Variants in INO80 observed in about 807,000 individuals in gnomAD.
INO80 encodes the protein INO80 complex ATPase subunit.
Under a neutral mutation model 203.4 loss-of-function variants are expected in INO80, and 20 were observed. The ratio of observed to expected loss-of-function variants is 0.10; its 90% CI spans 0.07 to 0.14. The LOEUF (loss-of-function observed/expected upper bound fraction) is 0.14. INO80 is among the 10% of genes least tolerant of loss of function. INO80 has a pLI of 1.00. For synonymous variants in INO80, 726 were observed against 685.2 expected, an observed-to-expected ratio of 1.06 and a Z score of -0.93; for missense variants, 1,419 against 1,914.4, an observed-to-expected ratio of 0.74 and a Z score of 4.83.
chr15:41,053,783 T>C lies in INO80; in HGVS notation c.2274+146A>G, dbSNP rs960921921. ...ATGTTATTTTCCTCAATTATTTGCC[T>C]CATTTTAAGTCCTCTTTGATCCATG... On this transcript the variant is annotated intron_variant, in intron 19 of 35. Coordinates refer to ENST00000648947, the MANE Select transcript of INO80 (RefSeq NM_017553.3). 1.0e-5 allele frequency: 5 copies of C among 495,128 alleles called. 1 individual carries two copies. The highest frequency in any genetic ancestry group is 3.0e-5 in the East Asian group (1 of 33,350). 30.7% of individuals were successfully genotyped at this position (495,128 alleles called of 1,614,324 possible).
intron 35 of INO80, among the ~76,000 whole-genome samples, chr15:40,980,929 A>T (rs1893804712): frequency 6.6e-6 from 1 of 152,156 alleles, no homozygotes; most frequent in African/African-American, 2.4e-5. Context: ...ATATTCATAC[A>T]GTTCTCCTTG....
chr15:41,087,449 A>T lies in INO80; in HGVS notation c.658+113T>A, dbSNP rs2045578907. 3.4e-6 allele frequency: 4 copies of T among 1,162,950 alleles called. No homozygotes were observed. The South Asian group carries it at 6.4e-5, about 19-fold the overall frequency. 72.0% of individuals were successfully genotyped at this position (1,162,950 alleles called of 1,614,324 possible). A position where few individuals can be genotyped will look rare whatever the true frequency, so the allele number is the denominator to read the frequency against. On this transcript the variant is annotated intron_variant, in intron 6 of 35. Transcript: ENST00000648947. ...AATTAGAAAGGAGAGTTTTTCAGAT[A>T]AAGCAAATTTCTACCATATGGACTT... is the stretch of plus-strand genomic sequence containing the variant.
chr15:40,996,068 G>A (rs2140425492), intron 29 of INO80, among the ~76,000 whole-genome samples: 1 of 152,170 alleles, frequency 6.6e-6, no homozygotes, highest in African/African-American at 2.4e-5. Context: ...TCCCCCTGCT[G>A]CTGTGAATCT....
At chr15:41,023,792 A>AC (rs1360185412) in intron 25 of INO80, among the ~76,000 whole-genome samples, 2 of 146,402 alleles carry the variant, frequency 1.4e-5, no homozygotes, top group African/African-American at 5.1e-5. Context: ...AACAAAACAA[A>AC]ACGAAAAAAA....
In INO80 at chr15:41,092,009, T is replaced by C. The variant is rs760824341; in HGVS notation, c.537+18A>G. ...AGGGTGAATATTCAGTTTGAAGTGT[T>C]TCTCCTGAAACTCTTACCTCCTTGT... On this transcript the variant is annotated intron_variant, in intron 5 of 35. Coordinates refer to ENST00000648947, the MANE Select transcript of INO80 (RefSeq NM_017553.3). 28 of 1,584,460 alleles carry C rather than the reference T, an allele frequency of 1.8e-5. No homozygotes were observed. The highest frequency in any genetic ancestry group is 2.3e-5 in the Non-Finnish European group (27 of 1,156,632).
intron 1 of INO80, among the ~76,000 whole-genome samples, chr15:41,097,171 G>C (rs551350818): frequency 4.6e-5 from 7 of 152,092 alleles, no homozygotes; most frequent in Non-Finnish European, 7.4e-5. Context: ...TCAGCCTCCT[G>C]AGTAGCTGGG....
At chr15:40,988,722 A>G (rs573608247) in intron 29 of INO80, among the ~76,000 whole-genome samples, 13 of 152,222 alleles carry the variant, frequency 8.5e-5, no homozygotes, top group Non-Finnish European at 1.9e-4. Flanking sequence ...TCTGCTAAAA[A>G]TACAAAAACT....
At position 41,045,048 on chromosome 15, in the gene INO80, T is replaced by C. The variant is rs1480563370; in HGVS notation, c.2763A>G (p.Lys921=). The stretch of plus-strand genomic sequence containing the variant: ...GTAGCTGATGGAGCCTGTAGGAGGC[T>C]TTCAGAGACAGGAAAAGAGCTAACC... The part of the protein sequence containing the change: ...ARWLALFLSL[K]ASYRLHQLRS... The change falls in exon 24 of 36, where the codon AAA becomes AAG. Residue 921 remains lysine (K), a synonymous_variant. Transcript: ENST00000648947. 2 of 1,607,418 alleles carry C rather than the reference T, an allele frequency of 1.2e-6. No individual in the cohort carries two copies. The highest frequency in any genetic ancestry group is 1.1e-5 in the South Asian group (1 of 89,788).
intron 1 of INO80, among the ~76,000 whole-genome samples, chr15:41,104,559 G>A (rs929413436): frequency 6.6e-6 from 1 of 151,768 alleles, no homozygotes; most frequent in Admixed American, 6.6e-5. Context: ...TTTTTTTAAA[G>A]GGGAGTCTTG....
At chr15:40,980,968 AG>A (rs1325823998) in intron 35 of INO80, among the ~76,000 whole-genome samples, 1 of 152,138 alleles carries the variant, frequency 6.6e-6, no homozygotes, top group Non-Finnish European at 1.5e-5. Context: ...CTGCTCTCCA[AG>A]GCCTGTGTCA....
chr15:41,100,063 G>A (rs1407251229), intron 1 of INO80, among the ~76,000 whole-genome samples: 2 of 152,000 alleles, frequency 1.3e-5, no homozygotes, highest in Non-Finnish European at 1.5e-5. Flanking sequence ...GGAGTGATTC[G>A]AAATGAATGG....
At chr15:41,089,845 G>A (rs2045609534) in intron 5 of INO80, among the ~76,000 whole-genome samples, 1 of 151,944 alleles carries the variant, frequency 6.6e-6, no homozygotes. Context: ...TGTATGAAGA[G>A]CTTTCTAAGA....
rs751929923 is a variant in INO80 at position 40,983,020 on chromosome 15, C to T, written c.4295G>A (p.Gly1432Asp). The change falls in exon 35 of 36, where the codon GGC (glycine) becomes GAC (aspartate). Residue 1432 changes from glycine to aspartate, a missense_variant. Physicochemically the swap from Gly to Asp is moderately conservative, Grantham distance 94. This residue lies in a region of INO80 where 214 missense variants were observed against 248.9 expected (regional missense o/e 0.86). Coordinates refer to ENST00000648947, the MANE Select transcript of INO80 (RefSeq NM_017553.3). ...AGRGHSARSR[G>D]RPKGSGSTAK... ...TGTGCTTCCTGAACCTTTGGGGCGG[C>T]CTCGGCTTCGGGCTGAGTGACCACG... The T allele has an allele frequency of 6.2e-7, 1 of 1,614,076 alleles. No individual in the cohort carries two copies. The highest frequency in any genetic ancestry group is 8.5e-7 in the Non-Finnish European group (1 of 1,180,030).
At chr15:41,062,599 G>A (rs1417215625) in intron 14 of INO80, among the ~76,000 whole-genome samples, 1 of 152,156 alleles carries the variant, frequency 6.6e-6, no homozygotes, top group Non-Finnish European at 1.5e-5. Context: ...CTCTCTCGAG[G>A]TTTATGTGCT....
Position 41,021,010 on chromosome 15 carries a change from G to C in INO80, c.3164C>G (p.Pro1055Arg), listed in dbSNP as rs1166825966. ...ATTTAGCCAGTCTGCAGCCAGTTCA[G>C]GGGCCCCATTCAACAAACACTGCTT... ...AAKQCLLNGA[P>R]ELAADWLNRR... The change falls in exon 26 of 36, where the codon CCT becomes CGT. Residue 1055 changes from proline to arginine, a missense_variant. Around this residue, in one of 9 missense-constraint regions of INO80, gnomAD observed 302 missense variants for 345.4 expected, o/e 0.87. Transcript: ENST00000648947. 1.9e-6 allele frequency: 3 copies of C among 1,614,116 alleles called. No homozygotes were observed. Among genetic ancestry groups the C allele is most frequent in the East Asian group, 2.2e-5 (1 of 44,886 alleles).
At chr15:41,009,521 T>C (rs1245900194) in intron 27 of INO80, among the ~76,000 whole-genome samples, 2 of 151,842 alleles carry the variant, frequency 1.3e-5, no homozygotes. Context: ...CTGAGAATGA[T>C]GATTTCCAAT....
At chr15:41,007,939 C>T (rs553507236) in intron 27 of INO80, among the ~76,000 whole-genome samples, 3 of 152,054 alleles carry the variant, frequency 2.0e-5, no homozygotes, top group South Asian at 2.1e-4. Flanking sequence ...TGTGGAAGGT[C>T]GAGGTGGGTG....
chr15:41,095,532 A>T, intron 4 of INO80, 69 bp downstream of exon 4: 1 of 1,094,806 alleles, frequency 9.1e-7, no homozygotes, highest in Non-Finnish European at 1.4e-6. Flanking sequence ...AAATGAGTTG[A>T]TAACTTTCCC....
intron 24 of INO80, among the ~76,000 whole-genome samples, chr15:41,042,249 AG>A (rs2044680802): frequency 6.6e-6 from 1 of 151,944 alleles, no homozygotes. Flanking sequence ...CCTAACCTCA[AG>A]GGATCCGCCC....
Sources: gnomAD v4.1 joint callset for allele counts (sites outside exome capture counted in the v4.1 genomes callset) on GRCh38, gnomAD v4.1.1 for gene constraint, gnomAD v4.1.1 regional missense constraint, MANE v1.5 for transcripts, NCBI Gene and HGNC (gene_info 2026-07-23, HGNC 2026-07-21) for gene names.